The following NUP160 variants were observed in gnomAD, a reference collection of about 807,000 sequenced individuals.
NUP160 encodes nuclear pore complex protein Nup160.
In NUP160, 94 loss-of-function variants were observed where a neutral mutation model predicts 196.9. That is an observed-to-expected ratio of 0.48 (90% CI 0.40 to 0.57). The LOEUF is 0.57. Ranked by LOEUF, NUP160 falls within the 20% of genes least tolerant of loss-of-function variation. NUP160 has a pLI of 0.00. For missense variants in NUP160, 1,638 were observed against 1,748.3 expected (o/e 0.94, Z 1.13); for synonymous variants, 605 against 619.7 (o/e 0.98, Z 0.35).
At chr11:47,840,277 A>T in intron 3 of NUP160, 101 bp downstream of exon 3, 1 of 1,071,540 alleles carries the variant, frequency 9.3e-7, no homozygotes. Context: ...GATAACGAGA[A>T]TCCAAATTTC....
At chr11:47,786,356 A>G in intron 32 of NUP160, 97 bp downstream of exon 32, 1 of 677,162 alleles carries the variant, frequency 1.5e-6, no homozygotes, top group East Asian at 2.7e-5. Context: ...AAGAAAGAAA[A>G]AAGTGAAATG....
chr11:47,800,846 T>C (rs1265979888), intron 23 of NUP160, among the ~76,000 whole-genome samples: 4 of 152,170 alleles, frequency 2.6e-5, no homozygotes, highest in African/African-American at 9.7e-5. Context: ...TGGTGAAATG[T>C]TATACAATCT....
chr11:47,847,648 T>TGGGGGGGGGG (rs56283744), intron 2 of NUP160, among the ~76,000 whole-genome samples, 200 bp downstream of exon 2: 13 of 77,462 alleles, frequency 1.7e-4, no homozygotes, highest in South Asian at 4.1e-4. Flanking sequence ...TGTGTGGGGG[T>TGGGGGGGGGG]GGGGGGGGGG....
chr11:47,815,884 G>A (rs2097684134), intron 12 of NUP160, 62 bp downstream of exon 12: 1 of 1,300,888 alleles, frequency 7.7e-7, no homozygotes, highest in Non-Finnish European at 1.1e-6. Context: ...TCCTCGGTCA[G>A]TACCAATCTG....
At chr11:47,821,525 G>C (rs1182964109) in intron 9 of NUP160, 199 bp downstream of exon 9, 1 of 523,374 alleles carries the variant, frequency 1.9e-6, no homozygotes, top group African/African-American at 1.9e-5. Context: ...ACCAGGCCCA[G>C]CTAATTTTTT....
At position 47,836,522 on chromosome 11, in the gene NUP160, G is replaced by A. The variant is rs138035665; in HGVS notation, c.942+365C>T. ...CCAGCTATTTGAGCAGCTGAGGTGG[G>A]GAATTGCTTGAGCCCGGGAGGCAGA... On this transcript the variant is annotated intron_variant, in intron 6 of 35. Coordinates refer to ENST00000378460, the Ensembl canonical transcript of NUP160. Among the ~76,000 whole-genome samples the A allele has an allele frequency of 1.6e-4, 25 of 151,788 alleles. No individual in the cohort carries two copies. The East Asian group carries it at 4.9e-3, about 30-fold the overall frequency.
intron 27 of NUP160, 74 bp downstream of exon 27, chr11:47,797,705 C>A: frequency 9.7e-7 from 1 of 1,028,114 alleles, no homozygotes. Context: ...CTAAGTCCAA[C>A]ACACAATATT....
intron 9 of NUP160, chr11:47,820,395 C>A (rs1459988): frequency 6.6e-6 from 1 of 152,098 alleles, no homozygotes; most frequent in African/African-American, 2.4e-5. Flanking sequence ...ACATTAGGTA[C>A]AATCAACATT....
exon 36 of NUP160, chr11:47,778,229 G>A (rs1172428261): frequency 6.6e-6 from 1 of 152,362 alleles, no homozygotes; most frequent in Non-Finnish European, 1.5e-5. Context: ...TATACAGATT[G>A]TTTCCTTAAA....
exon 2 of NUP160, chr11:47,847,927 A>G: frequency 1.9e-6 from 3 of 1,614,108 alleles, no homozygotes; most frequent in Non-Finnish European, 2.5e-6. Context: ...CTTTCACTGT[A>G]TTTTACGGCG....
At chr11:47,841,234 T>C (rs756872167) in intron 2 of NUP160, 20 of 239,652 alleles carry the variant, frequency 8.3e-5, no homozygotes, top group Non-Finnish European at 1.4e-4. Flanking sequence ...CAAAAGGAGC[T>C]TGTTTATTAA....
intron 33 of NUP160, among the ~76,000 whole-genome samples, chr11:47,784,056 AAAAAAC>A (rs1181997038): frequency 6.6e-6 from 1 of 152,086 alleles, no homozygotes; most frequent in Non-Finnish European, 1.5e-5. Flanking sequence ...AACAAAACAA[AAAAAAC>A]CAAAAAAAAC....
chr11:47,808,150 A>C (rs541374277), intron 18 of NUP160, among the ~76,000 whole-genome samples: 1 of 152,304 alleles, frequency 6.6e-6, no homozygotes, highest in Admixed American at 6.5e-5. Flanking sequence ...GCATGATGGC[A>C]GGTGCCTGAA....
chr11:47,783,048 T>C (rs1210405097), intron 34 of NUP160, 25 bp downstream of exon 34: 2 of 1,599,918 alleles, frequency 1.3e-6, no homozygotes, highest in Non-Finnish European at 1.7e-6. Flanking sequence ...CCATTGTAAA[T>C]TGGGGACCAT....
chr11:47,836,603 A>G (rs1288975381), intron 6 of NUP160, among the ~76,000 whole-genome samples: 1 of 152,084 alleles, frequency 6.6e-6, no homozygotes, highest in Non-Finnish European at 1.5e-5. Flanking sequence ...ACAAAGTGAG[A>G]CTGTTTCAAA....
At chr11:47,821,064 G>GCAATGTCTTTGAGTCAACTAGAGGTA (rs1851847487) in intron 9 of NUP160, among the ~76,000 whole-genome samples, 6 of 151,968 alleles carry the variant, frequency 3.9e-5, no homozygotes, top group African/African-American at 1.5e-4. Flanking sequence ...AAACACAAAG[G>GCAATGTCTTTGAGTCAACTAGAGGTA]CTATAGTATC....
intron 34 of NUP160, among the ~76,000 whole-genome samples, chr11:47,782,294 AAAAAAAAAAATATAT>A (rs2097661374): frequency 4.9e-5 from 2 of 40,618 alleles, no homozygotes; most frequent in Non-Finnish European, 4.8e-5. Context: ...TCAGTTAAAA[AAAAAAAAAAATATAT>A]ATATATATAT....
chr11:47,829,229 T>A (rs1048296316), intron 7 of NUP160, among the ~76,000 whole-genome samples: 5 of 152,274 alleles, frequency 3.3e-5, no homozygotes, highest in Non-Finnish European at 5.9e-5. Flanking sequence ...AATAATACAG[T>A]TACATACTAT....
intron 29 of NUP160, among the ~76,000 whole-genome samples, chr11:47,791,264 T>C (rs1308156456): frequency 1.3e-5 from 2 of 152,168 alleles, no homozygotes; most frequent in Admixed American, 6.5e-5. Context: ...TTCAACTCTT[T>C]CTTGTCATGT....
Sources: gnomAD v4.1 joint callset for allele counts (sites outside exome capture counted in the v4.1 genomes callset) on GRCh38, gnomAD v4.1.1 for gene constraint, MANE v1.5 for transcripts, NCBI Gene and HGNC (gene_info 2026-07-23, HGNC 2026-07-21) for gene names.